SPEN: variants seen among roughly 807,000 people sequenced by gnomAD.
SPEN encodes msx2-interacting protein.
A neutral mutation model predicts 269.9 loss-of-function variants in SPEN; 18 were observed. The ratio of observed to expected loss-of-function variants is 0.07; its 90% CI spans 0.05 to 0.10. The LOEUF is 0.10. Among genes scored for constraint, SPEN ranks in the 10% least tolerant of loss-of-function variants. The probability of loss-of-function intolerance (pLI) is 1.00; values close to 1 mark genes in which losing one functional copy is unlikely to be tolerated. For missense variants in SPEN, 3,822 were observed against 4,631.2 expected, an observed-to-expected ratio of 0.83 and a Z score of 5.07; for synonymous variants, 1,726 against 1,765.7, an observed-to-expected ratio of 0.98 and a Z score of 0.56.
intron 3 of SPEN, among the ~76,000 whole-genome samples, chr1:15,905,691 G>C (rs1051017157): frequency 6.6e-6 from 1 of 151,918 alleles, no homozygotes; most frequent in African/African-American, 2.4e-5. Flanking sequence ...TCCTGCCTCA[G>C]CCTCCCGAGT....
rs376806665 is a variant in SPEN, at chr1:15,852,289, C to A, written c.83+4139C>A. Among the ~76,000 whole-genome samples the A allele has an allele frequency of 9.2e-5, 14 of 152,224 alleles. No homozygotes were observed. In the East Asian group the frequency reaches 1.2e-3, roughly 13 times the overall value. On this transcript the variant is annotated intron_variant, in intron 1 of 14. Coordinates refer to ENST00000375759, the MANE Select transcript of SPEN (RefSeq NM_015001.3). ...CTTGTCTATGGCCATACCACCCATA[C>A]CACCCCCATCCCGTCTATGAAACCA... is the stretch of plus-strand genomic sequence containing the variant.
At chr1:15,875,719 C>T (rs2070624781) in intron 2 of SPEN, among the ~76,000 whole-genome samples, 2 of 152,088 alleles carry the variant, frequency 1.3e-5, no homozygotes, top group Admixed American at 6.6e-5. Context: ...CTTGAAAGTC[C>T]TTCCTATTGT....
At chr1:15,922,534 A>G (rs546113187) in intron 10 of SPEN, among the ~76,000 whole-genome samples, 185 bp downstream of exon 10, 1 of 152,268 alleles carries the variant, frequency 6.6e-6, no homozygotes, top group East Asian at 1.9e-4. Context: ...GTTTCCAGGT[A>G]ATTCCTATGG....
intron 3 of SPEN, among the ~76,000 whole-genome samples, chr1:15,878,995 ACT>A (rs1258382150): frequency 9.5e-6 from 1 of 105,394 alleles, no homozygotes; most frequent in Non-Finnish European, 2.0e-5. Context: ...AGATGATGAG[ACT>A]CTGTCTCAAA....
intron 1 of SPEN, among the ~76,000 whole-genome samples, chr1:15,860,080 T>G (rs990078932): frequency 6.6e-6 from 1 of 151,154 alleles, no homozygotes; most frequent in African/African-American, 2.4e-5. Flanking sequence ...CCCGGCTAAT[T>G]TTTTGTATTT....
chr1:15,898,046 A>G (rs2070859716), intron 3 of SPEN, among the ~76,000 whole-genome samples: 1 of 152,092 alleles, frequency 6.6e-6, no homozygotes, highest in South Asian at 2.1e-4. Flanking sequence ...AGACCCCTTG[A>G]TTGAGCAGAG....
Position 15,934,523 on chromosome 1 carries a change from A to G in SPEN, c.8283A>G (p.Thr2761=). 2 of 1,614,118 alleles carry G rather than the reference A, an allele frequency of 1.2e-6. No homozygotes were observed. The highest frequency in any genetic ancestry group is 1.7e-6 in the Non-Finnish European group (2 of 1,180,034). ...GGVTATTGTV[T]MAGAVIAPST... ...TAACGGCCACAACAGGCACGGTGAC[A>G]ATGGCAGGGGCAGTGATTGCGCCGT... Residue 2761 remains threonine, a synonymous_variant, in exon 11 of 15, where the codon ACA becomes ACG. Coordinates refer to ENST00000375759, the MANE Select transcript of SPEN (RefSeq NM_015001.3). This position sits in a 1 kb window ranked among gnomAD's most constrained non-coding sequence, Gnocchi z 9.2.
rs149367983 is a variant in SPEN, at chr1:15,919,005, C to G, written c.1475C>G (p.Ala492Gly). The change falls in exon 7 of 15, where the codon GCT becomes GGT. Residue 492 changes from alanine (A) to glycine (G), a missense_variant. Physicochemically the swap from Ala to Gly is moderately conservative, Grantham distance 60. Coordinates refer to ENST00000375759, the MANE Select transcript of SPEN (RefSeq NM_015001.3). ...QYCDIASVCK[A>G]IKKMDGEYLG... The stretch of plus-strand genomic sequence containing the variant: ...TGTGATATTGCTAGCGTTTGTAAAG[C>G]TATTAAGAAGATGGATGGGGAATAT... 3.4e-5 allele frequency: 54 copies of G among 1,611,314 alleles called. No individual in the cohort carries two copies. Among genetic ancestry groups the G allele is most frequent in the Non-Finnish European group, 4.5e-5 (53 of 1,178,488 alleles).
intron 1 of SPEN, among the ~76,000 whole-genome samples, chr1:15,871,909 T>G (rs1200444714): frequency 2.0e-5 from 3 of 152,164 alleles, no homozygotes; most frequent in Non-Finnish European, 4.4e-5. Context: ...TAGTCGTTTT[T>G]AGACTATAAA....
rs1376983952 is a variant in SPEN at position 15,932,469 on chromosome 1, A to C, written c.6229A>C (p.Arg2077=). The change falls in exon 11 of 15, where the codon AGA becomes CGA. Residue 2077 remains arginine (R), a synonymous_variant. Coordinates refer to ENST00000375759, the MANE Select transcript of SPEN (RefSeq NM_015001.3). The surrounding 1 kb of genome is among the most constrained non-coding windows in gnomAD (Gnocchi z 4.2). ...PAPEKNSKSK[R]GRSRNSRLAV... The stretch of plus-strand genomic sequence containing the variant: ...CCCTGAAAAAAACTCCAAATCAAAG[A>C]GAGGAAGATCTCGAAACTCCAGGTT... 3 of 1,611,396 alleles carry C rather than the reference A, an allele frequency of 1.9e-6. No homozygotes were observed. Among genetic ancestry groups the C allele is most frequent in the Non-Finnish European group, 2.5e-6 (3 of 1,179,180 alleles).
At chr1:15,906,373 G>A (rs2070955340) in intron 3 of SPEN, among the ~76,000 whole-genome samples, 1 of 151,304 alleles carries the variant, frequency 6.6e-6, no homozygotes, top group Non-Finnish European at 1.5e-5. Context: ...CACTGACAGA[G>A]GTTTATTTTC....
At chr1:15,889,018 G>A (rs1314322663) in intron 3 of SPEN, among the ~76,000 whole-genome samples, 3 of 152,012 alleles carry the variant, frequency 2.0e-5, no homozygotes, top group African/African-American at 7.3e-5. Context: ...GTTTGTACTT[G>A]GAAGTTCTCT....
chr1:15,847,789 C>T lies in SPEN; in HGVS notation c.-279C>T, dbSNP rs2070286036. The stretch of plus-strand genomic sequence containing the variant: ...TCCCGCTCGCCCCTCCTCCCGCTCC[C>T]CCGCCCGCCCCTGCCCGGGCGCATG... On this transcript the variant is annotated 5_prime_UTR_variant, in exon 1 of 15. Transcript: ENST00000375759. 1 of 216,386 alleles carries T rather than the reference C, an allele frequency of 4.6e-6. No individual in the cohort carries two copies. 13.4% of individuals were successfully genotyped at this position (216,386 alleles called of 1,614,324 possible).
rs368082483 is a variant in SPEN, at chr1:15,935,643, C to G, written c.9403C>G (p.Gln3135Glu). The G allele has an allele frequency of 5.6e-6, 9 of 1,613,990 alleles. No homozygotes were observed. In the African/African-American group the frequency reaches 1.1e-4, roughly 19 times the overall value. ...QPQQIEVRAP[Q>E]RASTPQPAPA... Reference sequence around the variant, plus strand: ...CCAGCAAATAGAGGTCAGGGCCCCACAGCGTGCCAGCACCCCGCAGCCAGC... The same window carrying G: ...CCAGCAAATAGAGGTCAGGGCCCCAGAGCGTGCCAGCACCCCGCAGCCAGC... The change falls in exon 11 of 15, where the codon CAG (glutamine) becomes GAG (glutamate). Residue 3135 changes from glutamine (Q) to glutamate (E), a missense_variant. By Grantham distance (29) the Gln-to-Glu change is conservative (BLOSUM62 2). Transcript: ENST00000375759. The surrounding 1 kb of genome is among the most constrained non-coding windows in gnomAD (Gnocchi z 7.7).
chr1:15,908,059 A>T (rs924484347), intron 3 of SPEN, among the ~76,000 whole-genome samples: 1 of 152,156 alleles, frequency 6.6e-6, no homozygotes. Context: ...AACATGATCT[A>T]GTAACTTACA....
intron 3 of SPEN, among the ~76,000 whole-genome samples, chr1:15,909,005 AT>A (rs2070987363): frequency 6.6e-6 from 1 of 152,054 alleles, no homozygotes; most frequent in Non-Finnish European, 1.5e-5. Context: ...ACGCACTATT[AT>A]TATTATTACA....
At chr1:15,887,569 A>G (rs941148770) in intron 3 of SPEN, among the ~76,000 whole-genome samples, 5 of 150,792 alleles carry the variant, frequency 3.3e-5, no homozygotes, top group Admixed American at 6.6e-5. Flanking sequence ...TGCTGGGATT[A>G]CAGGCGTGAG....
chr1:15,916,489 C>T (rs2071068240), intron 6 of SPEN, among the ~76,000 whole-genome samples: 1 of 148,704 alleles, frequency 6.7e-6, no homozygotes, highest in Admixed American at 6.7e-5. Flanking sequence ...CCTTTGTTTA[C>T]ACATATATAT....
intron 10 of SPEN, among the ~76,000 whole-genome samples, chr1:15,923,952 G>A (rs1277437693): frequency 6.6e-6 from 1 of 152,178 alleles, no homozygotes; most frequent in African/African-American, 2.4e-5. Flanking sequence ...ACAGGCGTGA[G>A]CCACCGCACC....
Sources: allele counts gnomAD v4.1 joint callset (sites outside exome capture counted in the v4.1 genomes callset), GRCh38; gene constraint gnomAD v4.1.1; non-coding constraint Gnocchi (gnomAD v3.1); transcripts MANE v1.5; gene names NCBI Gene and HGNC (gene_info 2026-07-23, HGNC 2026-07-21).